CXADR: variants seen among roughly 807,000 people sequenced by gnomAD.
CXADR encodes coxsackievirus and adenovirus receptor.
A neutral mutation model predicts 40.3 loss-of-function variants in CXADR; 20 were observed. That is an observed-to-expected ratio of 0.50 (90% CI 0.35 to 0.72). CXADR has a LOEUF of 0.72. Ranked by LOEUF, CXADR falls within the 30% of genes least tolerant of loss-of-function variation. CXADR has a pLI of 0.01. For synonymous variants in CXADR, 150 were observed against 161.3 expected (o/e 0.93, Z 0.53); for missense variants, 332 against 449.1 (o/e 0.74, Z 2.36).
chr21:17,530,114 A>ATTTTTTTTTTTTTT (rs56341807), intron 1 of CXADR, among the ~76,000 whole-genome samples: 253 of 94,906 alleles, frequency 2.7e-3, no homozygotes, highest in African/African-American at 5.9e-3. Context: ...ATGCCAGGCT[A>ATTTTTTTTTTTTTT]TTTTTTTTTT....
At position 17,551,779 on chromosome 21, in the gene CXADR, G is replaced by A; in HGVS notation, c.241G>A (p.Asp81Asn). The stretch of plus-strand genomic sequence containing the variant: ...TTTATATTCTGGAGACAAAATTTAT[G>A]ATGACTACTATCCAGATCTGAAAGG... ...IILYSGDKIY[D>N]DYYPDLKGRV... The change falls in exon 3 of 7, where the codon GAT becomes AAT. Residue 81 changes from aspartate (D) to asparagine (N), a missense_variant. Coordinates refer to ENST00000284878, the MANE Select transcript of CXADR (RefSeq NM_001338.5). The A allele has an allele frequency of 6.2e-7, 1 of 1,612,876 alleles. No homozygotes were observed. Among genetic ancestry groups the A allele is most frequent in the South Asian group, 1.1e-5 (1 of 90,948 alleles).
At chr21:17,541,613 G>C (rs577128672) in intron 1 of CXADR, among the ~76,000 whole-genome samples, 14 of 79,582 alleles carry the variant, frequency 1.8e-4, no homozygotes, top group Admixed American at 5.5e-4. Context: ...CCCTGCATCT[G>C]TTGATTTTTT....
chr21:17,572,911 G>A (rs2061290603), downstream of CXADR, among the ~76,000 whole-genome samples: 1 of 152,158 alleles, frequency 6.6e-6, no homozygotes, highest in African/African-American at 2.4e-5. Flanking sequence ...TTCCGTCAAA[G>A]TCTTTTTAAA....
chr21:17,628,842 T>G, the CXADR span, among the ~76,000 whole-genome samples: 2 of 152,262 alleles, frequency 1.3e-5, no homozygotes, highest in Non-Finnish European at 1.5e-5. Flanking sequence ...CAGCAAGAAT[T>G]CTCTCTCACT....
chr21:17,568,206 G>T lies in CXADR; in HGVS notation c.*2514G>T, dbSNP rs2737874. The T allele has an allele frequency of 0.32, 302,104 of 936,020 alleles. 48,960 individuals are homozygous for T. Among genetic ancestry groups the T allele is most frequent in the African/African-American group, 0.36 (19,466 of 53,794 alleles). 58.0% of individuals were successfully genotyped at this position (936,020 alleles called of 1,614,324 possible). On this transcript the variant is annotated 3_prime_UTR_variant, in exon 7 of 7. Transcript: ENST00000284878. ...TGCAGTGGCGGGATCTCGGCTCACT[G>T]CAAGCTCCGCCTCCCAGGTTCACGC...
intron 1 of CXADR, among the ~76,000 whole-genome samples, chr21:17,515,684 C>A (rs1025070553): frequency 6.6e-6 from 1 of 151,974 alleles, no homozygotes; most frequent in African/African-American, 2.4e-5. Flanking sequence ...TGGTGGCAGG[C>A]GCCTGTAGTA....
the CXADR span, among the ~76,000 whole-genome samples, chr21:17,632,229 C>A: frequency 2.6e-5 from 4 of 152,072 alleles, no homozygotes; most frequent in African/African-American, 9.7e-5. Flanking sequence ...CAGAGTGGAC[C>A]ATTCGCAGTT....
At chr21:17,564,161 C>T (rs1016425730) in intron 6 of CXADR, among the ~76,000 whole-genome samples, 4 of 151,060 alleles carry the variant, frequency 2.6e-5, no homozygotes, top group African/African-American at 4.9e-5. Flanking sequence ...TGGAGGACCT[C>T]CTGCAGATAC....
chr21:17,576,427 A>T (rs946803272), intron 7 of CXADR, among the ~76,000 whole-genome samples: 2 of 152,120 alleles, frequency 1.3e-5, no homozygotes, highest in Admixed American at 6.5e-5. Context: ...TTTTTATGGG[A>T]TTGCTGTTTA....
At chr21:17,606,182 T>G in the CXADR span, among the ~76,000 whole-genome samples, 1 of 152,170 alleles carries the variant, frequency 6.6e-6, no homozygotes, top group African/African-American at 2.4e-5. Flanking sequence ...TTAATTCTCA[T>G]GATCATCCTG....
At chr21:17,587,932 A>G (rs2061409232) in intron 7 of CXADR, among the ~76,000 whole-genome samples, 1 of 152,160 alleles carries the variant, frequency 6.6e-6, no homozygotes, top group Non-Finnish European at 1.5e-5. Context: ...GAAGGGATCC[A>G]GTTTCAGCTT....
At chr21:17,608,242 A>C in the CXADR span, among the ~76,000 whole-genome samples, 1 of 152,190 alleles carries the variant, frequency 6.6e-6, no homozygotes, top group East Asian at 1.9e-4. Flanking sequence ...GTGTGTTGGC[A>C]CATGTCTATA....
At position 17,584,834 on chromosome 21, in the gene CXADR, C is replaced by T. The variant is rs2061383740; in HGVS notation, c.1018-8318C>T. On this transcript the variant is annotated intron_variant, in intron 7 of 7. Transcript: ENST00000400169. ...GAGAGACTCCGTCTCAAAAAACAAA[C>T]AAACAAACAAAAACTCAAATAACAA... Among the ~76,000 whole-genome samples the T allele has an allele frequency of 3.9e-5, 6 of 152,098 alleles. No individual in the cohort carries two copies. In the South Asian group the frequency reaches 1.2e-3, roughly 32 times the overall value.
At chr21:17,559,675 T>A (rs866733980) in intron 4 of CXADR, among the ~76,000 whole-genome samples, 1 of 142,438 alleles carries the variant, frequency 7.0e-6, no homozygotes, top group African/African-American at 2.7e-5. Context: ...TTGGGTTTTT[T>A]TTTTTTTTTT....
intron 7 of CXADR, among the ~76,000 whole-genome samples, chr21:17,578,197 C>T (rs2061335414): frequency 6.6e-6 from 1 of 152,126 alleles, no homozygotes; most frequent in African/African-American, 2.4e-5. Context: ...GAGGAATCTC[C>T]ATACTGTTTT....
At chr21:17,548,051 C>T (rs1198038712) in intron 2 of CXADR, among the ~76,000 whole-genome samples, 1 of 152,000 alleles carries the variant, frequency 6.6e-6, no homozygotes, top group East Asian at 1.9e-4. Flanking sequence ...TTGTCTGACA[C>T]ATTTAATTTT....
chr21:17,599,409 G>A, the CXADR span, among the ~76,000 whole-genome samples: 1 of 151,616 alleles, frequency 6.6e-6, no homozygotes, highest in African/African-American at 2.4e-5. Flanking sequence ...CAAACTCCTA[G>A]GCTCAAGAGA....
chr21:17,598,623 C>T, the CXADR span: 1 of 1,613,762 alleles, frequency 6.2e-7, no homozygotes, highest in Non-Finnish European at 8.5e-7. Context: ...TTACCTGGTA[C>T]ACAGGACTTG....
chr21:17,526,014 T>C (rs60887518), intron 1 of CXADR, among the ~76,000 whole-genome samples: 2,323 of 152,354 alleles, frequency 0.015, 59 homozygotes, highest in African/African-American at 0.052. Flanking sequence ...TTTTTCCCCA[T>C]GTATTCAAAT....
Sources: allele counts gnomAD v4.1 joint callset (sites outside exome capture counted in the v4.1 genomes callset), GRCh38; gene constraint gnomAD v4.1.1; transcripts MANE v1.5; gene names NCBI Gene and HGNC (gene_info 2026-07-23, HGNC 2026-07-21).